The following PVT1 variants were observed in gnomAD, a reference collection of about 807,000 sequenced individuals.
The protein encoded by PVT1 is CXCR4/PVT1 fusion.
chr8:127,863,558 T>C (rs575973201), intron 2 of PVT1, among the ~76,000 whole-genome samples: 1 of 152,334 alleles, frequency 6.6e-6, no homozygotes, highest in South Asian at 2.1e-4. Context: ...AACCCCTAAA[T>C]CAGCTGTTGG....
intron 2 of PVT1, among the ~76,000 whole-genome samples, chr8:127,813,415 A>C (rs1814624218): frequency 6.6e-6 from 1 of 151,974 alleles, no homozygotes. Context: ...TTCTGAACTA[A>C]GAAAAGTGTG....
intron 3 of PVT1, among the ~76,000 whole-genome samples, chr8:127,981,856 G>A (rs575276786): frequency 3.9e-5 from 6 of 152,298 alleles, no homozygotes; most frequent in African/African-American, 1.4e-4. Context: ...GTCCTCCCAG[G>A]AGGTGGTGCC....
chr8:127,877,102 A>G (rs1678102409), intron 2 of PVT1, among the ~76,000 whole-genome samples: 1 of 152,138 alleles, frequency 6.6e-6, no homozygotes, highest in Admixed American at 6.5e-5. Context: ...GGCGTGGTGG[A>G]AAGTTTCCTC....
chr8:127,998,747 C>T (rs1022750697), intron 4 of PVT1, among the ~76,000 whole-genome samples: 1 of 141,626 alleles, frequency 7.1e-6, no homozygotes, highest in African/African-American at 2.7e-5. Flanking sequence ...TCCTTTTCTT[C>T]CTTTCTTTTC....
intron 4 of PVT1, among the ~76,000 whole-genome samples, chr8:128,041,211 GTGTT>G (rs896091960): frequency 1.9e-4 from 5 of 26,634 alleles, no homozygotes; most frequent in South Asian, 3.0e-3. Flanking sequence ...GTTTGCATGT[GTGTT>G]TGTGTGTGTG....
At chr8:127,814,069 C>T (rs1405882323) in intron 2 of PVT1, among the ~76,000 whole-genome samples, 2 of 152,208 alleles carry the variant, frequency 1.3e-5, no homozygotes, top group African/African-American at 4.8e-5. Flanking sequence ...AGGCATGAAC[C>T]ACCGCCCCCG....
At chr8:127,960,734 T>C (rs749316645) in intron 3 of PVT1, 3 of 490,508 alleles carry the variant, frequency 6.1e-6, no homozygotes, top group Non-Finnish European at 1.2e-5. Flanking sequence ...CATAGATAAC[T>C]GTTTTCTGTT....
chr8:127,812,256 CAGGAAGGCAGGAAGGA>C (rs1407513470), intron 2 of PVT1, among the ~76,000 whole-genome samples: 2 of 119,226 alleles, frequency 1.7e-5, no homozygotes, highest in Non-Finnish European at 3.3e-5. Flanking sequence ...GGCAGGAAGG[CAGGAAGGCAGGAAGGA>C]AGGAAGGAAG....
chr8:127,796,504 G>A (rs1053927001), intron 2 of PVT1, among the ~76,000 whole-genome samples: 3 of 152,040 alleles, frequency 2.0e-5, no homozygotes, highest in Non-Finnish European at 2.9e-5. Flanking sequence ...CTGAGCGGTA[G>A]GCAGGCACTC....
chr8:127,908,042 A>C (rs763790780), intron 3 of PVT1, among the ~76,000 whole-genome samples: 1 of 152,314 alleles, frequency 6.6e-6, no homozygotes, highest in Non-Finnish European at 1.5e-5. Context: ...ATTCCATTTC[A>C]GTTAATCTGT....
At position 128,054,831 on chromosome 8, in the gene PVT1, C is replaced by G. The variant is rs1813744963; in HGVS notation, n.913-15329C>G. Among the ~76,000 whole-genome samples, 5 of 152,302 alleles carry G rather than the reference C, an allele frequency of 3.3e-5. No individual in the cohort carries two copies. The South Asian group carries it at 1.0e-3, about 32-fold the overall frequency. On this transcript the variant is annotated intron_variant and non_coding_transcript_variant, in intron 4 of 10. Transcript: ENST00000651587. ...CCATCTGTCACCTTGGGTAGTTACC[C>G]AGGTTTTCCTTAAACACCAGTCCAG...
chr8:127,846,203 C>T (rs1815031934), intron 2 of PVT1, among the ~76,000 whole-genome samples: 1 of 152,090 alleles, frequency 6.6e-6, no homozygotes, highest in Non-Finnish European at 1.5e-5. Context: ...CTGGAAATGT[C>T]AGTAGAATGG....
rs1203213321 is a variant in PVT1 at position 127,960,944 on chromosome 8, G to C, written n.783-28218G>C. Among the ~76,000 whole-genome samples the C allele has an allele frequency of 2.3e-4, 13 of 57,050 alleles. 1 individual carries two copies. Among genetic ancestry groups the C allele is most frequent in the South Asian group, 5.9e-4 (1 of 1,688 alleles). The allele number at this position is 57,050 out of a possible 152,430, so 37.4% of individuals were successfully genotyped here. A position where few individuals can be genotyped will look rare whatever the true frequency, so the allele number is the denominator to read the frequency against. Reference sequence around the variant, plus strand: ...TTCTCTTGTGTGTGTGTTTGGGGGTGGGGGGGGCGGGCGGGCACGAATAGG... The same window carrying C: ...TTCTCTTGTGTGTGTGTTTGGGGGTCGGGGGGGCGGGCGGGCACGAATAGG... On this transcript the variant is annotated intron_variant and non_coding_transcript_variant, in intron 3 of 10. Coordinates refer to ENST00000651587, the Ensembl canonical transcript of PVT1.
chr8:127,817,491 G>GTGTGTGTGTGTA (rs1814676737), intron 2 of PVT1, among the ~76,000 whole-genome samples: 4 of 106,074 alleles, frequency 3.8e-5, no homozygotes, highest in Non-Finnish European at 7.6e-5. Flanking sequence ...GTGTGTGTGT[G>GTGTGTGTGTGTA]TATATACATA....
At chr8:127,808,680 C>T (rs1814555952) in intron 2 of PVT1, among the ~76,000 whole-genome samples, 1 of 152,024 alleles carries the variant, frequency 6.6e-6, no homozygotes, top group South Asian at 2.1e-4. Flanking sequence ...GGACTCGGCT[C>T]TAGCAGTGGA....
intron 2 of PVT1, among the ~76,000 whole-genome samples, chr8:127,879,633 G>C (rs1815443146): frequency 6.6e-6 from 1 of 152,218 alleles, no homozygotes. Context: ...CTCCTGCATG[G>C]CTTGGGCATA....
At chr8:128,004,311 G>A (rs1461664037) in intron 4 of PVT1, among the ~76,000 whole-genome samples, 1 of 152,180 alleles carries the variant, frequency 6.6e-6, no homozygotes, top group East Asian at 1.9e-4. Flanking sequence ...TTTGTATACA[G>A]TAGGTAATCA....
At chr8:128,064,046 C>T (rs189304034) in intron 4 of PVT1, among the ~76,000 whole-genome samples, 65 of 152,268 alleles carry the variant, frequency 4.3e-4, no homozygotes, top group Admixed American at 4.6e-4. Flanking sequence ...TGATCACTGA[C>T]GGAGCTAGTA....
chr8:127,915,510 G>T (rs1815972727), intron 3 of PVT1, among the ~76,000 whole-genome samples: 1 of 151,544 alleles, frequency 6.6e-6, no homozygotes, highest in Admixed American at 6.6e-5. Context: ...TACTTGGGAG[G>T]CTGAGGCAGG....
Sources: allele counts gnomAD v4.1 joint callset (sites outside exome capture counted in the v4.1 genomes callset), GRCh38; gene constraint gnomAD v4.1.1; transcripts MANE v1.5; gene names NCBI Gene and HGNC (gene_info 2026-07-23, HGNC 2026-07-21).